The following IGSF21 variants were observed in gnomAD, a reference collection of about 807,000 sequenced individuals.
The protein encoded by IGSF21 is immunoglobulin superfamily member 21.
IGSF21 carries 28 observed loss-of-function variants against 46.8 expected under a neutral mutation model. The ratio of observed to expected loss-of-function variants is 0.60; its 90% confidence interval spans 0.44 to 0.82. The LOEUF (loss-of-function observed/expected upper bound fraction) is 0.82, where lower values mean the gene tolerates loss of function less well. Ranked by LOEUF, IGSF21 falls within the 40% of genes least tolerant of loss-of-function variation. IGSF21 has a pLI of 0.00. For missense variants in IGSF21, 624 were observed against 665.5 expected, an observed-to-expected ratio of 0.94 and a Z score of 0.69; for synonymous variants, 284 against 273.6, an observed-to-expected ratio of 1.04 and a Z score of -0.38.
At chr1:18,333,231 C>T (rs1030784433) in intron 3 of IGSF21, among the ~76,000 whole-genome samples, 7 of 152,312 alleles carry the variant, frequency 4.6e-5, no homozygotes, top group African/African-American at 1.7e-4. Context: ...TCTGCTATGA[C>T]TTGAGAACTT....
chr1:18,268,430 C>T (rs2085010620), intron 2 of IGSF21, among the ~76,000 whole-genome samples: 1 of 152,206 alleles, frequency 6.6e-6, no homozygotes, highest in South Asian at 2.1e-4. Context: ...AGATTCCCAG[C>T]TGCTGTAAGT....
intron 3 of IGSF21, among the ~76,000 whole-genome samples, chr1:18,309,399 C>A (rs2085458328): frequency 6.6e-6 from 1 of 152,100 alleles, no homozygotes; most frequent in South Asian, 2.1e-4. Flanking sequence ...AGATGAGAAA[C>A]CTGAGGCATC....
chr1:18,269,767 G>A (rs558418337), intron 2 of IGSF21, among the ~76,000 whole-genome samples: 14 of 152,254 alleles, frequency 9.2e-5, no homozygotes, highest in South Asian at 2.1e-4. Flanking sequence ...TGGTGATCTC[G>A]GACCTTTCTT....
chr1:18,143,490 A>C (rs1325509721), intron 1 of IGSF21, among the ~76,000 whole-genome samples: 3 of 152,114 alleles, frequency 2.0e-5, no homozygotes, highest in African/African-American at 7.2e-5. Context: ...CTCCCGTCCC[A>C]GCCCATGCCC....
At chr1:18,351,543 C>T (rs1053617125) in intron 4 of IGSF21, among the ~76,000 whole-genome samples, 3 of 152,180 alleles carry the variant, frequency 2.0e-5, no homozygotes, top group African/African-American at 7.2e-5. Context: ...CCAAGTCCAG[C>T]CCACTGCTCT....
At chr1:18,199,100 C>G (rs776269354) in intron 1 of IGSF21, among the ~76,000 whole-genome samples, 2 of 152,106 alleles carry the variant, frequency 1.3e-5, no homozygotes, top group African/African-American at 2.4e-5. Context: ...CCATGTCCTT[C>G]TAAAGCAAAC....
At chr1:18,300,078 A>G (rs1214786356) in intron 3 of IGSF21, among the ~76,000 whole-genome samples, 2 of 152,180 alleles carry the variant, frequency 1.3e-5, no homozygotes, top group Non-Finnish European at 2.9e-5. Flanking sequence ...AAATAAATAT[A>G]AAATTACATA....
At chr1:18,208,687 G>A (rs1320295057) in intron 1 of IGSF21, among the ~76,000 whole-genome samples, 2 of 150,724 alleles carry the variant, frequency 1.3e-5, no homozygotes, top group Non-Finnish European at 2.9e-5. Context: ...ATGAGCCACC[G>A]TGCCCGGCCC....
intron 1 of IGSF21, among the ~76,000 whole-genome samples, chr1:18,196,705 AAACTG>A (rs2087012864): frequency 6.6e-6 from 1 of 152,206 alleles, no homozygotes; most frequent in African/African-American, 2.4e-5. Context: ...ATAGACGAAG[AAACTG>A]AGGCTCCAAG....
rs556114305 is a variant in IGSF21 at position 18,169,655 on chromosome 1, C to T, written c.71-58243C>T. On this transcript the variant is annotated intron_variant, in intron 1 of 9. Coordinates refer to ENST00000251296, the MANE Select transcript of IGSF21 (RefSeq NM_032880.5). ...GCCCAGGGTAGGGAGTTCTCACTGG[C>T]AGTCAGATGCGCCTGATTAACAGAA... Among the ~76,000 whole-genome samples the T allele has an allele frequency of 1.9e-4, 29 of 152,246 alleles. No individual in the cohort carries two copies. In the East Asian group the frequency reaches 3.1e-3, roughly 16 times the overall value.
intron 2 of IGSF21, among the ~76,000 whole-genome samples, chr1:18,288,368 T>C (rs746891376): frequency 1.3e-5 from 2 of 152,162 alleles, no homozygotes; most frequent in Non-Finnish European, 2.9e-5. Context: ...ACTTGGTAAT[T>C]ACCTGTTGCT....
intron 1 of IGSF21, among the ~76,000 whole-genome samples, chr1:18,138,107 T>C (rs1013755777): frequency 6.6e-6 from 1 of 152,044 alleles, no homozygotes; most frequent in African/African-American, 2.4e-5. Context: ...TGCCCCAGGG[T>C]TGGGCTGAAG....
chr1:18,357,897 C>T (rs2086038691), intron 4 of IGSF21, among the ~76,000 whole-genome samples: 1 of 152,086 alleles, frequency 6.6e-6, no homozygotes, highest in African/African-American at 2.4e-5. Context: ...GCTATGTCAT[C>T]GTCCATACAA....
At chr1:18,227,113 T>A (rs1243641674) in intron 1 of IGSF21, among the ~76,000 whole-genome samples, 2 of 152,122 alleles carry the variant, frequency 1.3e-5, no homozygotes, top group Non-Finnish European at 1.5e-5. Context: ...GAGTTCAGAC[T>A]CCTCCCCAGA....
intron 4 of IGSF21, among the ~76,000 whole-genome samples, chr1:18,359,370 GAAA>G (rs1557659548): frequency 1.5e-4 from 15 of 103,258 alleles, no homozygotes; most frequent in Admixed American, 4.2e-4. Context: ...AAGAAAGAAA[GAAA>G]GAAAGAAAGA....
intron 3 of IGSF21, among the ~76,000 whole-genome samples, chr1:18,329,063 T>A (rs1326619336): frequency 1.3e-5 from 2 of 152,120 alleles, no homozygotes; most frequent in Non-Finnish European, 2.9e-5. Context: ...AGCCTCAGAA[T>A]AGAGACACGC....
intron 4 of IGSF21, among the ~76,000 whole-genome samples, chr1:18,354,860 C>G (rs1220830885): frequency 2.6e-5 from 2 of 76,308 alleles, no homozygotes; most frequent in Non-Finnish European, 5.5e-5. Flanking sequence ...GTTTGCTCAG[C>G]ACTTTGCTAT....
At chr1:18,134,997 G>A (rs1012272254) in intron 1 of IGSF21, among the ~76,000 whole-genome samples, 32 of 152,214 alleles carry the variant, frequency 2.1e-4, no homozygotes, top group African/African-American at 6.5e-4. Flanking sequence ...GAGCTTCCAC[G>A]CACATCAGCC....
At chr1:18,315,964 G>T (rs1344666879) in intron 3 of IGSF21, among the ~76,000 whole-genome samples, 1 of 152,156 alleles carries the variant, frequency 6.6e-6, no homozygotes, top group Non-Finnish European at 1.5e-5. Context: ...TCCAGCATAT[G>T]CTTGACATAG....
Sources: allele counts gnomAD v4.1 joint callset (sites outside exome capture counted in the v4.1 genomes callset), GRCh38; gene constraint gnomAD v4.1.1; transcripts MANE v1.5; gene names NCBI Gene and HGNC (gene_info 2026-07-23, HGNC 2026-07-21).